PKD1: variants seen among roughly 807,000 people sequenced by gnomAD.
PKD1 encodes the protein polycystin-1.
PKD1 carries 81 observed loss-of-function variants against 361.7 expected under a neutral mutation model. The observed-to-expected ratio is 0.22, with a 90% CI of 0.19 to 0.27. PKD1 has a LOEUF of 0.27. Ranked by LOEUF, PKD1 falls within the 10% of genes least tolerant of loss-of-function variation. PKD1 has a pLI of 1.00. For synonymous variants in PKD1, 3,615 were observed against 2,818.3 expected, an observed-to-expected ratio of 1.28 and a Z score of -8.95; for missense variants, 6,399 against 6,118.3, an observed-to-expected ratio of 1.05 and a Z score of -1.53.
At chr16:2,131,679 CG>C (rs2092882053) in intron 1 of PKD1, among the ~76,000 whole-genome samples, 1 of 150,406 alleles carries the variant, frequency 6.6e-6, no homozygotes, top group African/African-American at 2.5e-5. Context: ...AAAAATTAGC[CG>C]GGCGTGGTGG....
chr16:2,123,801 T>C (rs1240504002), intron 1 of PKD1, among the ~76,000 whole-genome samples: 4 of 152,104 alleles, frequency 2.6e-5, no homozygotes, highest in Admixed American at 2.0e-4. Context: ...GTTCCTGCTA[T>C]GAGCTGGAAG....
rs773966220 is a variant in PKD1 at position 2,108,547 on chromosome 16, G to C, written c.6620C>G (p.Pro2207Arg). The change falls in exon 15 of 46, where the codon CCC becomes CGC. Residue 2207 changes from proline (P) to arginine (R), a missense_variant. Transcript: ENST00000262304. ...RPGRPARVAL[P>R]GVDVSRPRLV... ...CCGAGGCCGGCTCACGTCCACGCCG[G>C]GCAGGGCCACACGCGCTGGGCGCCC... is the stretch of plus-strand genomic sequence containing the variant. 1.2e-6 allele frequency: 2 copies of C among 1,605,238 alleles called. No homozygotes were observed. The highest frequency in any genetic ancestry group is 2.7e-5 in the African/African-American group (2 of 74,724).
intron 1 of PKD1, among the ~76,000 whole-genome samples, chr16:2,124,933 C>A (rs969153079): frequency 3.3e-5 from 5 of 152,154 alleles, no homozygotes; most frequent in Non-Finnish European, 7.4e-5. Flanking sequence ...GAGCTGGTTC[C>A]CCTCCGCCCA....
In PKD1 at chr16:2,096,932, A is replaced by G. The variant is rs2091871750; in HGVS notation, c.10499+216T>C. On this transcript the variant is annotated intron_variant, in intron 34 of 45. Transcript: ENST00000262304. ...CTTTCTGCTCCTACAAAGCCCCATG[A>G]GCCTGCTCCCTCCCTAGAGGGAAGG... 6.7e-6 allele frequency: 4 copies of G among 595,476 alleles called. 1 individual carries two copies. In the East Asian group the frequency reaches 1.1e-4, roughly 17 times the overall value. 36.9% of individuals were successfully genotyped at this position (595,476 alleles called of 1,614,324 possible).
Position 2,117,920 on chromosome 16 carries a change from C to T in PKD1, c.1072G>A (p.Ala358Thr), listed in dbSNP as rs758035427. 1.0e-5 allele frequency: 13 copies of T among 1,253,840 alleles called. No homozygotes were observed. The highest frequency in any genetic ancestry group is 5.1e-5 in the South Asian group (4 of 79,144). 77.7% of individuals were successfully genotyped at this position (1,253,840 alleles called of 1,614,324 possible). A position where few individuals can be genotyped will look rare whatever the true frequency, so the allele number is the denominator to read the frequency against. The change falls in exon 5 of 46, where the codon GCC (alanine) becomes ACC (threonine). Residue 358 changes from alanine to threonine, a missense_variant. Transcript: ENST00000262304. ...TDVQVEAAPA[A>T]LELVCPSSVQ... ...GAGGACGGGCACACGAGCTCCAGGGCGGCAGGTGCCGCTTCCACCTGCACG... is the reference window on the plus strand; with the variant it reads ...GAGGACGGGCACACGAGCTCCAGGGTGGCAGGTGCCGCTTCCACCTGCACG...
At position 2,089,572 on chromosome 16, in the gene PKD1, G is replaced by C; in HGVS notation, c.*155C>G. ...TGGTTGGCCACACAGCCTCTTTAAA[G>C]TGCTGAAGCCCACAGACAGACAGAT... On this transcript the variant is annotated 3_prime_UTR_variant, in exon 46 of 46. Transcript: ENST00000262304. 9 of 949,500 alleles carry C rather than the reference G, an allele frequency of 9.5e-6. No homozygotes were observed. The highest frequency in any genetic ancestry group is 1.4e-5 in the Non-Finnish European group (9 of 634,054). 58.8% of individuals were successfully genotyped at this position (949,500 alleles called of 1,614,324 possible).
intron 20 of PKD1, 74 bp from the exon 21 acceptor site, chr16:2,105,548 C>T: frequency 4.4e-6 from 7 of 1,595,036 alleles, no homozygotes; most frequent in Non-Finnish European, 5.9e-6. Flanking sequence ...ATGCCCACGA[C>T]TCCCGGGGTG....
intron 6 of PKD1, 121 bp from the exon 7 acceptor site, chr16:2,117,174 A>G (rs1447122237): frequency 2.7e-5 from 18 of 669,982 alleles, no homozygotes; most frequent in Admixed American, 5.1e-5. Context: ...TGAGGCTCAG[A>G]GCCCGGAGAC....
At chr16:2,124,972 C>A (rs532617296) in intron 1 of PKD1, among the ~76,000 whole-genome samples, 3 of 152,184 alleles carry the variant, frequency 2.0e-5, no homozygotes, top group Non-Finnish European at 4.4e-5. Context: ...CCGTCCCTCC[C>A]GAGAGCAGGC....
At chr16:2,095,258 C>CAA (rs2091797766) in intron 34 of PKD1, 3 of 152,046 alleles carry the variant, frequency 2.0e-5, no homozygotes, top group South Asian at 4.2e-4. Context: ...AACACACACA[C>CAA]AAAAAATTAG....
chr16:2,130,740 C>T (rs945183625), intron 1 of PKD1, among the ~76,000 whole-genome samples: 19 of 152,126 alleles, frequency 1.2e-4, no homozygotes, highest in African/African-American at 4.6e-4. Flanking sequence ...GGCAGGGGCC[C>T]CGGGGTCTGC....
At position 2,128,869 on chromosome 16, in the gene PKD1, AT is replaced by A. The variant is rs58863130; in HGVS notation, c.215+6605del. On this transcript the variant is annotated intron_variant, in intron 1 of 45. Coordinates refer to ENST00000262304, the MANE Select transcript of PKD1 (RefSeq NM_001009944.3). ...ACAGGCATGCGCCACCACGCTCAGCATTTTTTTTTTTTGAGACAGAGTCTCG... is the reference window on the plus strand; with the variant it reads ...ACAGGCATGCGCCACCACGCTCAGCATTTTTTTTTTTGAGACAGAGTCTCG... Among the ~76,000 whole-genome samples, 188 of 144,448 alleles carry A rather than the reference AT, an allele frequency of 1.3e-3. 1 individual carries two copies. Among genetic ancestry groups the A allele is most frequent in the East Asian group, 3.8e-3 (19 of 4,972 alleles). 94.8% of individuals were successfully genotyped at this position (144,448 alleles called of 152,430 possible). A position where few individuals can be genotyped will look rare whatever the true frequency, so the allele number is the denominator to read the frequency against.
rs138089695 is a variant in PKD1 at position 2,093,669 on chromosome 16, C to A, written c.10891G>T (p.Val3631Leu). Residue 3631 changes from valine (V) to leucine (L), a missense_variant, in exon 37 of 46, where the codon GTA becomes TTA. By Grantham distance (32) the Val-to-Leu change is conservative. Transcript: ENST00000262304. ...ACAGGCGTCACAGCCGGGCTCTCTACCAGGGTGTCATCTTCATCCGGGTGC... is the reference window on the plus strand; with the variant it reads ...ACAGGCGTCACAGCCGGGCTCTCTAACAGGGTGTCATCTTCATCCGGGTGC... ...RLHPDEDDTL[V>L]ESPAVTPVSA... is the part of the protein sequence containing the mutation. 2 of 1,607,242 alleles carry A rather than the reference C, an allele frequency of 1.2e-6. No homozygotes were observed. Among genetic ancestry groups the A allele is most frequent in the Non-Finnish European group, 1.7e-6 (2 of 1,177,108 alleles).
At chr16:2,121,443 A>G (rs2092719717) in intron 1 of PKD1, among the ~76,000 whole-genome samples, 1 of 152,174 alleles carries the variant, frequency 6.6e-6, no homozygotes, top group Admixed American at 6.6e-5. Flanking sequence ...TCCAAAAACA[A>G]AAAAAGAAAA....
intron 1 of PKD1, chr16:2,119,680 C>T (rs1452406272): frequency 8.2e-6 from 5 of 608,846 alleles, no homozygotes; most frequent in Non-Finnish European, 8.8e-6. Context: ...ACCCATCCCA[C>T]GCAGGGCCAA....
Position 2,089,866 on chromosome 16 carries a change from G to T in PKD1, c.12773C>A (p.Ser4258Tyr). 1 of 1,609,450 alleles carries T rather than the reference G, an allele frequency of 6.2e-7. No individual in the cohort carries two copies. The highest frequency in any genetic ancestry group is 8.5e-7 in the Non-Finnish European group (1 of 1,178,732). The stretch of plus-strand genomic sequence containing the variant: ...CAGGCCCGGGGATGGGCCACGGGAA[G>T]ATCCGGCGGGCGCCCGGCTGCTCCT... ...GRRSSRAPAG[S>Y]SRGPSPGLRP... Residue 4258 changes from serine to tyrosine, a missense_variant, in exon 46 of 46, where the codon TCT becomes TAT. Transcript: ENST00000262304.
At position 2,099,530 on chromosome 16, in the gene PKD1, C is replaced by A. The variant is rs2091998776; in HGVS notation, c.10050+114G>T. On this transcript the variant is annotated intron_variant, in intron 30 of 45. Coordinates refer to ENST00000262304, the MANE Select transcript of PKD1 (RefSeq NM_001009944.3). ...AAGTGTGTTGACCCTTCCCGAGCAG[C>A]CTTTGGTGGACGCCTTTCCCTCTGG... The A allele has an allele frequency of 4.5e-6, 4 of 891,736 alleles. No homozygotes were observed. The Admixed American group carries it at 8.0e-5, about 18-fold the overall frequency. 55.2% of individuals were successfully genotyped at this position (891,736 alleles called of 1,614,324 possible).
chr16:2,130,132 GA>G (rs751778306), intron 1 of PKD1, among the ~76,000 whole-genome samples: 139 of 152,350 alleles, frequency 9.1e-4, no homozygotes, highest in Non-Finnish European at 1.4e-3. Context: ...GTCTAATAAA[GA>G]AACTACCGTT....
At chr16:2,113,899 C>G in intron 11 of PKD1, 1 of 544,866 alleles carries the variant, frequency 1.8e-6, no homozygotes, top group East Asian at 3.1e-5. Flanking sequence ...CACGGGGGCT[C>G]GTGTGAGGTC....
Sources: gnomAD v4.1 joint callset for allele counts (sites outside exome capture counted in the v4.1 genomes callset) on GRCh38, gnomAD v4.1.1 for gene constraint, MANE v1.5 for transcripts, NCBI Gene and HGNC (gene_info 2026-07-23, HGNC 2026-07-21) for gene names.